Variants in PIEZO2 observed in about 807,000 individuals in gnomAD.
The protein encoded by PIEZO2 is piezo-type mechanosensitive ion channel component 2.
Under a neutral mutation model 337.3 loss-of-function variants are expected in PIEZO2, and 172 were observed. That is an observed-to-expected ratio of 0.51 (90% CI 0.45 to 0.58). The LOEUF is 0.58. PIEZO2 is among the 20% of genes least tolerant of loss of function. The pLI is 0.00. For synonymous variants in PIEZO2, 1,251 were observed against 1,228.5 expected (o/e 1.02, Z -0.38); for missense variants, 3,028 against 3,391.3 (o/e 0.89, Z 2.66).
chr18:10,741,270 A>G (rs543500613), intron 32 of PIEZO2, among the ~76,000 whole-genome samples, 168 bp from the exon 33 acceptor site: 1 of 152,242 alleles, frequency 6.6e-6, no homozygotes, highest in African/African-American at 2.4e-5. Context: ...ATTAACAGTC[A>G]ATTTCACAAG....
At chr18:10,925,870 A>C (rs2031700412) in intron 3 of PIEZO2, among the ~76,000 whole-genome samples, 1 of 149,544 alleles carries the variant, frequency 6.7e-6, no homozygotes, top group Admixed American at 6.8e-5. Context: ...GCCTGGCCAA[A>C]AGTTTTTTAA....
In PIEZO2 at chr18:10,945,859, A is replaced by C. The variant is rs985222065; in HGVS notation, c.286+33676T>G. Among the ~76,000 whole-genome samples, 5 of 152,344 alleles carry C rather than the reference A, an allele frequency of 3.3e-5. No individual in the cohort carries two copies. Among genetic ancestry groups the C allele is most frequent in the African/African-American group, 9.6e-5 (4 of 41,588 alleles). ...TGGACTTCTTGAGATAATAACTATA[A>C]TGCCTGAAATTGAAAACACACTGAA... On this transcript the variant is annotated intron_variant, in intron 3 of 55. Coordinates refer to ENST00000674853, the MANE Select transcript of PIEZO2 (RefSeq NM_001378183.1). This position sits in a 1 kb window ranked among gnomAD's most constrained non-coding sequence, Gnocchi z 4.0.
At position 10,828,548 on chromosome 18, in the gene PIEZO2, T is replaced by G. The variant is rs2144520103; in HGVS notation, c.918-21274A>C. ...GTAAAATATACATAAAGGTGTGAGTTCTAGGTGGATCATTGAATTATTGCA... is the reference window on the plus strand; with the variant it reads ...GTAAAATATACATAAAGGTGTGAGTGCTAGGTGGATCATTGAATTATTGCA... On this transcript the variant is annotated intron_variant, in intron 7 of 55. Coordinates refer to ENST00000674853, the MANE Select transcript of PIEZO2 (RefSeq NM_001378183.1). The surrounding 1 kb of genome is among the most constrained non-coding windows in gnomAD (Gnocchi z 4.1). Among the ~76,000 whole-genome samples, 1 of 152,228 alleles carries G rather than the reference T, an allele frequency of 6.6e-6. No homozygotes were observed. Among genetic ancestry groups the G allele is most frequent in the Admixed American group, 6.5e-5 (1 of 15,286 alleles).
At chr18:10,710,705 G>C (rs1481882883) in intron 39 of PIEZO2, among the ~76,000 whole-genome samples, 1 of 152,202 alleles carries the variant, frequency 6.6e-6, no homozygotes, top group African/African-American at 2.4e-5. Context: ...GCCACACTGG[G>C]TGAGCATGAC....
chr18:11,087,137 A>T (rs756896937), intron 1 of PIEZO2, among the ~76,000 whole-genome samples: 10 of 152,148 alleles, frequency 6.6e-5, no homozygotes, highest in Non-Finnish European at 1.2e-4. Context: ...GGACACAGCA[A>T]GGGGGGCTGT....
Position 10,959,096 on chromosome 18 carries a change from T to C in PIEZO2, c.286+20439A>G, listed in dbSNP as rs546326482. On this transcript the variant is annotated intron_variant, in intron 3 of 55. Coordinates refer to ENST00000674853, the MANE Select transcript of PIEZO2 (RefSeq NM_001378183.1). ...ATCAGCAAAAATATGTATTAATGAT[T>C]CAGTCTTACAACTGAAATGTATGCT... Among the ~76,000 whole-genome samples the C allele has an allele frequency of 2.0e-5, 3 of 152,306 alleles. No individual in the cohort carries two copies. The South Asian group carries it at 6.2e-4, about 32-fold the overall frequency.
chr18:10,897,600 T>G (rs2042936721), intron 4 of PIEZO2, among the ~76,000 whole-genome samples: 2 of 152,236 alleles, frequency 1.3e-5, no homozygotes, highest in Non-Finnish European at 2.9e-5. Context: ...TGGGGCCTCC[T>G]CAGCCACGTG....
Position 10,672,814 on chromosome 18 carries a change from TGTTATATTTA to T in PIEZO2, c.8211_8220del (p.Lys2738ValfsTer8). 1 of 1,613,036 alleles carries T rather than the reference TGTTATATTTA, an allele frequency of 6.2e-7. No homozygotes were observed. Among genetic ancestry groups the T allele is most frequent in the Non-Finnish European group, 8.5e-7 (1 of 1,179,008 alleles). ...GTCAGGTTGAGAACCCACCACTCACTGTTATATTTAGTTGTATTGTCTCTGGACAAAATGA... is the reference window on the plus strand; with the variant it reads ...GTCAGGTTGAGAACCCACCACTCACTGTTGTATTGTCTCTGGACAAAATGA... On this transcript the variant is annotated frameshift_variant, in exon 55 of 56. Coordinates refer to ENST00000674853, the MANE Select transcript of PIEZO2 (RefSeq NM_001378183.1). LOFTEE classifies it high-confidence loss of function. The surrounding 1 kb of genome is among the most constrained non-coding windows in gnomAD (Gnocchi z 4.7).
In PIEZO2 at chr18:11,132,745, C is replaced by T. The variant is rs186497857; in HGVS notation, c.64+15780G>A. On this transcript the variant is annotated intron_variant, in intron 1 of 55. Coordinates refer to ENST00000674853, the MANE Select transcript of PIEZO2 (RefSeq NM_001378183.1). The surrounding 1 kb of genome is among the most constrained non-coding windows in gnomAD (Gnocchi z 4.7). ...TGCCACCTGGACACTTTGGGCTCCTCCTACCTTTAAGTCAACAGGCTAAGA... is the reference window on the plus strand; with the variant it reads ...TGCCACCTGGACACTTTGGGCTCCTTCTACCTTTAAGTCAACAGGCTAAGA... Among the ~76,000 whole-genome samples the T allele has an allele frequency of 3.9e-5, 6 of 152,262 alleles. No individual in the cohort carries two copies. The East Asian group carries it at 1.2e-3, about 29-fold the overall frequency.
At chr18:11,107,436 A>G (rs929741513) in intron 1 of PIEZO2, among the ~76,000 whole-genome samples, 3 of 152,182 alleles carry the variant, frequency 2.0e-5, no homozygotes, top group Non-Finnish European at 2.9e-5. Flanking sequence ...AATAATATAT[A>G]ATAATTTCAT....
At chr18:10,757,449 G>A (rs2037920054) in intron 27 of PIEZO2, among the ~76,000 whole-genome samples, 1 of 33,904 alleles carries the variant, frequency 2.9e-5, no homozygotes, top group African/African-American at 2.6e-4. Context: ...AGGAAGGGTG[G>A]GGATAAGAAT....
rs1282549554 is a variant in PIEZO2 at position 10,803,944 on chromosome 18, G to A, written c.1131C>T (p.Pro377=). 3 of 1,537,210 alleles carry A rather than the reference G, an allele frequency of 2.0e-6. No homozygotes were observed. Among genetic ancestry groups the A allele is most frequent in the Admixed American group, 2.0e-5 (1 of 50,988 alleles). Residue 377 remains proline (P), a synonymous_variant, in exon 9 of 56, where the codon CCC becomes CCT. Coordinates refer to ENST00000674853, the MANE Select transcript of PIEZO2 (RefSeq NM_001378183.1). ...KEEDKALACS[P]IQITAGRRRS... ...GCCTCCTCCCCGCTGTTATTTGGAT[G>A]GGGCTACAAGCCAGGGCTTTGTCCT...
rs549810409 is a variant in PIEZO2, at chr18:11,102,789, T to G, written c.65-36567A>C. On this transcript the variant is annotated intron_variant, in intron 1 of 55. Coordinates refer to ENST00000674853, the MANE Select transcript of PIEZO2 (RefSeq NM_001378183.1). This position sits in a 1 kb window ranked among gnomAD's most constrained non-coding sequence, Gnocchi z 5.7. ...GGGGTTCCTGGCCTTCTGGACAGTCTGCTTGGACAGGACTTCAGACTTCAG... is the reference window on the plus strand; with the variant it reads ...GGGGTTCCTGGCCTTCTGGACAGTCGGCTTGGACAGGACTTCAGACTTCAG... Among the ~76,000 whole-genome samples the G allele has an allele frequency of 6.6e-6, 1 of 152,332 alleles. No individual in the cohort carries two copies. Among genetic ancestry groups the G allele is most frequent in the Admixed American group, 6.5e-5 (1 of 15,304 alleles).
At chr18:10,958,867 T>G (rs778463170) in intron 3 of PIEZO2, among the ~76,000 whole-genome samples, 8 of 152,174 alleles carry the variant, frequency 5.3e-5, no homozygotes, top group South Asian at 2.1e-4. Flanking sequence ...ACCAAGTCTA[T>G]GAGAATTGTA....
chr18:10,833,593 C>T lies in PIEZO2; in HGVS notation c.917+21760G>A, dbSNP rs775027598. Among the ~76,000 whole-genome samples, 14 of 152,226 alleles carry T rather than the reference C, an allele frequency of 9.2e-5. No individual in the cohort carries two copies. Among genetic ancestry groups the T allele is most frequent in the African/African-American group, 2.9e-4 (12 of 41,466 alleles). On this transcript the variant is annotated intron_variant, in intron 7 of 55. Transcript: ENST00000674853. The surrounding 1 kb of genome is among the most constrained non-coding windows in gnomAD (Gnocchi z 4.7). ...TACAGCCCAAACTGCACCTGAACCA[C>T]GCAAGCTGTGAGGACCTCACCTCGC... is the stretch of plus-strand genomic sequence containing the variant.
At chr18:10,951,958 A>G (rs1313569931) in intron 3 of PIEZO2, among the ~76,000 whole-genome samples, 1 of 152,242 alleles carries the variant, frequency 6.6e-6, no homozygotes, top group Admixed American at 6.5e-5. Flanking sequence ...AATATTATAC[A>G]TAATTATAAC....
At chr18:11,045,749 T>C (rs2037289953) in intron 2 of PIEZO2, among the ~76,000 whole-genome samples, 1 of 152,226 alleles carries the variant, frequency 6.6e-6, no homozygotes, top group Admixed American at 6.5e-5. Flanking sequence ...AATTCACACA[T>C]ACAGAATCTG....
chr18:10,819,874 T>A lies in PIEZO2; in HGVS notation c.918-12600A>T, dbSNP rs977129579. Among the ~76,000 whole-genome samples the A allele has an allele frequency of 1.3e-5, 2 of 152,220 alleles. No homozygotes were observed. The highest frequency in any genetic ancestry group is 4.8e-5 in the African/African-American group (2 of 41,470). On this transcript the variant is annotated intron_variant, in intron 7 of 55. Transcript: ENST00000674853. This position sits in a 1 kb window ranked among gnomAD's most constrained non-coding sequence, Gnocchi z 4.3. ...GCAGGTCTGCTGGTGCAAAATTCTC[T>A]CAGTCTTTCGTATCTGATAATATCT...
chr18:10,914,053 T>C (rs1472792772), intron 3 of PIEZO2, among the ~76,000 whole-genome samples: 1 of 152,180 alleles, frequency 6.6e-6, no homozygotes, highest in African/African-American at 2.4e-5. Flanking sequence ...GTCCAGATCC[T>C]TTGGCACCAC....
Sources: allele counts gnomAD v4.1 joint callset (sites outside exome capture counted in the v4.1 genomes callset), GRCh38; gene constraint gnomAD v4.1.1; non-coding constraint Gnocchi (gnomAD v3.1); transcripts MANE v1.5; gene names NCBI Gene and HGNC (gene_info 2026-07-23, HGNC 2026-07-21).